Variants in HERC5 observed in about 807,000 individuals in gnomAD.
HERC5 encodes the protein E3 ISG15--protein ligase HERC5.
A neutral mutation model predicts 119.6 loss-of-function variants in HERC5; 99 were observed. That is an observed-to-expected ratio of 0.83 (90% confidence interval 0.70 to 0.98). HERC5 has a LOEUF of 0.98. Among genes scored for constraint, HERC5 ranks in the 50% least tolerant of loss-of-function variants. HERC5 has a pLI of 0.00. For synonymous variants in HERC5, 478 were observed against 445.9 expected (o/e 1.07, Z -0.91); for missense variants, 1,267 against 1,241.3 (o/e 1.02, Z -0.31).
intron 12 of HERC5, 67 bp downstream of exon 12, chr4:88,476,097 T>C (rs757987321): frequency 2.7e-5 from 34 of 1,265,566 alleles, no homozygotes; most frequent in Non-Finnish European, 3.8e-5. Flanking sequence ...AGTAAAGTTA[T>C]GGCAAAACTA....
rs965308276 is a variant in HERC5 at position 88,464,489 on chromosome 4, G to A, written c.911+504G>A. 9.9e-5 allele frequency among the ~76,000 whole-genome samples: 15 copies of A among 152,154 alleles called. 1 individual carries two copies. The highest frequency in any genetic ancestry group is 9.8e-4 in the Admixed American group (15 of 15,294). ...ATTCCTAAGAAGTTTAATTTTCACAGCTCCTTTTTAGAAAAGAAAGGTAAA... is the reference window on the plus strand; with the variant it reads ...ATTCCTAAGAAGTTTAATTTTCACAACTCCTTTTTAGAAAAGAAAGGTAAA... On this transcript the variant is annotated intron_variant, in intron 6 of 22. Coordinates refer to ENST00000264350, the MANE Select transcript of HERC5 (RefSeq NM_016323.4).
Position 88,505,814 on chromosome 4 carries a change from C to T in HERC5, c.3011C>T (p.Ser1004Phe), listed in dbSNP as rs1486219186. 11 of 1,613,790 alleles carry T rather than the reference C, an allele frequency of 6.8e-6. No individual in the cohort carries two copies. Among genetic ancestry groups the T allele is most frequent in the Non-Finnish European group, 9.3e-6 (11 of 1,179,796 alleles). The change falls in exon 23 of 23, where the codon TCT becomes TTT. Residue 1004 changes from serine (S) to phenylalanine (F), a missense_variant. Transcript: ENST00000264350. ...AGTGTCCTCTTCCTCCCTAAATATT[C>T]TACAATGGAAACAGTTGAAGAAGCG... ...CFSVLFLPKY[S>F]TMETVEEALQ... is the part of the protein sequence containing the mutation.
At chr4:88,504,682 A>G in intron 22 of HERC5, 85 bp downstream of exon 22, 1 of 701,246 alleles carries the variant, frequency 1.4e-6, no homozygotes, top group Non-Finnish European at 2.2e-6. Flanking sequence ...TACCATTTGC[A>G]ACAGATCATA....
chr4:88,470,064 A>G (rs907770573), intron 9 of HERC5, among the ~76,000 whole-genome samples: 3 of 152,216 alleles, frequency 2.0e-5, no homozygotes, highest in African/African-American at 7.2e-5. Context: ...ACTCCTACCT[A>G]TTCTTACAAA....
intron 20 of HERC5, among the ~76,000 whole-genome samples, chr4:88,501,360 A>G (rs1481799800): frequency 1.3e-5 from 2 of 152,290 alleles, no homozygotes; most frequent in East Asian, 1.9e-4. Flanking sequence ...GGGACTTGGT[A>G]TGTATTCTTC....
intron 4 of HERC5, 86 bp downstream of exon 4, chr4:88,462,442 A>G (rs1037961191): frequency 9.0e-6 from 10 of 1,105,080 alleles, no homozygotes; most frequent in South Asian, 1.4e-5. Context: ...AAATGGTTCA[A>G]ATCTTCACTT....
intron 16 of HERC5, among the ~76,000 whole-genome samples, chr4:88,490,886 C>T (rs946070356): frequency 1.3e-5 from 2 of 152,036 alleles, no homozygotes; most frequent in Non-Finnish European, 2.9e-5. Flanking sequence ...TTGGTATTTC[C>T]ATGTATTTTT....
At chr4:88,490,229 C>G (rs1040021580) in intron 16 of HERC5, among the ~76,000 whole-genome samples, 2 of 152,152 alleles carry the variant, frequency 1.3e-5, no homozygotes, top group African/African-American at 4.8e-5. Flanking sequence ...GTGGCAAGAA[C>G]TGTTTTAAGT....
intron 18 of HERC5, among the ~76,000 whole-genome samples, chr4:88,498,249 G>A (rs1456359789): frequency 2.0e-5 from 3 of 152,130 alleles, no homozygotes; most frequent in African/African-American, 4.8e-5. Context: ...CTAGAGACCC[G>A]AGAAGAGCCA....
At chr4:88,487,040 A>G (rs1741487548) in intron 14 of HERC5, 29 bp from the exon 15 acceptor site, 2 of 1,477,026 alleles carry the variant, frequency 1.4e-6, no homozygotes, top group South Asian at 2.3e-5. Flanking sequence ...CCTTTAACTT[A>G]TCAGAATTAT....
chr4:88,488,224 C>G (rs926412017), intron 15 of HERC5, among the ~76,000 whole-genome samples: 1 of 148,252 alleles, frequency 6.7e-6, no homozygotes, highest in African/African-American at 2.5e-5. Context: ...AAAGCATAGA[C>G]TTTTTTTTTC....
At chr4:88,497,613 T>C (rs1348326969) in intron 18 of HERC5, among the ~76,000 whole-genome samples, 2 of 152,180 alleles carry the variant, frequency 1.3e-5, no homozygotes, top group East Asian at 3.8e-4. Flanking sequence ...TATACCAAAA[T>C]GCAAGCAGGG....
intron 11 of HERC5, among the ~76,000 whole-genome samples, chr4:88,474,770 A>C (rs1740999642): frequency 6.6e-6 from 1 of 152,182 alleles, no homozygotes; most frequent in African/African-American, 2.4e-5. Flanking sequence ...TCATCAGTAA[A>C]ATGGGATTAA....
Position 88,502,378 on chromosome 4 carries a change from G to A in HERC5, c.2582+1393G>A, listed in dbSNP as rs570933961. 3.0e-4 allele frequency among the ~76,000 whole-genome samples: 46 copies of A among 152,302 alleles called. 1 individual carries two copies. Among genetic ancestry groups the A allele is most frequent in the African/African-American group, 1.1e-3 (46 of 41,562 alleles). On this transcript the variant is annotated intron_variant, in intron 20 of 22. Coordinates refer to ENST00000264350, the MANE Select transcript of HERC5 (RefSeq NM_016323.4). ...TACATAATGGGGCTTTTTGGGGAGAGCTGCACAGGCATCCAAGCTGATCTG... is the reference window on the plus strand; with the variant it reads ...TACATAATGGGGCTTTTTGGGGAGAACTGCACAGGCATCCAAGCTGATCTG...
intron 9 of HERC5, 30 bp downstream of exon 9, chr4:88,469,290 T>C: frequency 7.1e-7 from 1 of 1,400,584 alleles, no homozygotes; most frequent in African/African-American, 1.4e-5. Context: ...TCTCTGCTTA[T>C]ATATCACTCT....
chr4:88,457,338 C>G lies in HERC5; in HGVS notation c.69C>G (p.Thr23=). The G allele has an allele frequency of 1.4e-6, 2 of 1,410,284 alleles. No homozygotes were observed. 87.4% of individuals were successfully genotyped at this position (1,410,284 alleles called of 1,614,324 possible). A position where few individuals can be genotyped will look rare whatever the true frequency, so the allele number is the denominator to read the frequency against. The change falls in exon 1 of 23, where the codon ACC becomes ACG. Residue 23 remains threonine (T), a synonymous_variant. Transcript: ENST00000264350. Reference sequence around the variant, plus strand: ...CGACCGCGGGCAAGGCCGCCGCGACCCAGCCCGCGAAGTCTCCGGGCGCAC... The same window carrying G: ...CGACCGCGGGCAAGGCCGCCGCGACGCAGCCCGCGAAGTCTCCGGGCGCAC... ...GRSTAGKAAA[T]QPAKSPGAQL...
At chr4:88,500,257 T>G (rs1741909720) in intron 19 of HERC5, among the ~76,000 whole-genome samples, 1 of 152,196 alleles carries the variant, frequency 6.6e-6, no homozygotes, top group Non-Finnish European at 1.5e-5. Flanking sequence ...TCTACAGTGG[T>G]ATCACTCACA....
At chr4:88,481,988 C>G (rs1447094490) in intron 13 of HERC5, among the ~76,000 whole-genome samples, 1 of 152,150 alleles carries the variant, frequency 6.6e-6, no homozygotes, top group South Asian at 2.1e-4. Flanking sequence ...ATTTAGAAAT[C>G]TCAGTCTTCT....
intron 13 of HERC5, among the ~76,000 whole-genome samples, chr4:88,483,752 A>G (rs1342256931): frequency 6.6e-6 from 1 of 151,242 alleles, no homozygotes; most frequent in African/African-American, 2.4e-5. Context: ...TGGTCTCCCA[A>G]CTCCTGACCT....
Sources: allele counts gnomAD v4.1 joint callset (sites outside exome capture counted in the v4.1 genomes callset), GRCh38; gene constraint gnomAD v4.1.1; transcripts MANE v1.5; gene names NCBI Gene and HGNC (gene_info 2026-07-23, HGNC 2026-07-21).